Variants in CDH2 observed in about 807,000 individuals in gnomAD.
CDH2 encodes cadherin-2.
A neutral mutation model predicts 92.0 loss-of-function variants in CDH2; 17 were observed. The ratio of observed to expected loss-of-function variants is 0.18; its 90% CI spans 0.13 to 0.28. The LOEUF (loss-of-function observed/expected upper bound fraction) is 0.28, where lower values mean the gene tolerates loss of function less well. Ranked by LOEUF, CDH2 falls within the 10% of genes least tolerant of loss-of-function variation. The probability of loss-of-function intolerance (pLI) is 1.00; values close to 1 mark genes in which losing one functional copy is unlikely to be tolerated. For synonymous variants in CDH2, 419 were observed against 415.9 expected (o/e 1.01, Z -0.09); for missense variants, 862 against 1,133.1 (o/e 0.76, Z 3.44).
At chr18:28,086,305 T>G (rs1201638951) in intron 2 of CDH2, among the ~76,000 whole-genome samples, 1 of 152,148 alleles carries the variant, frequency 6.6e-6, no homozygotes, top group Admixed American at 6.6e-5. Context: ...TAGAACTCTA[T>G]AGTTATTCAG....
chr18:28,022,863 CTGTG>C lies in CDH2; in HGVS notation c.173-8958_173-8955del, dbSNP rs2144061485. Among the ~76,000 whole-genome samples the C allele has an allele frequency of 1.3e-5, 2 of 152,076 alleles. 1 individual carries two copies. The highest frequency in any genetic ancestry group is 4.8e-5 in the African/African-American group (2 of 41,516). On this transcript the variant is annotated intron_variant, in intron 2 of 15. Coordinates refer to ENST00000269141, the MANE Select transcript of CDH2 (RefSeq NM_001792.5). ...AACTTTTGCTTTATATCTATAAACT[CTGTG>C]TGTGTAATATTTTTATATGGCCTTT...
At chr18:28,140,775 T>C (rs1314687580) in intron 2 of CDH2, among the ~76,000 whole-genome samples, 1 of 151,286 alleles carries the variant, frequency 6.6e-6, no homozygotes, top group Non-Finnish European at 1.5e-5. Context: ...GTAAATCATA[T>C]ATCTGACAAC....
chr18:27,957,132 T>A (rs1172992910), intron 15 of CDH2, among the ~76,000 whole-genome samples: 1 of 8,708 alleles, frequency 1.1e-4, no homozygotes, highest in African/African-American at 1.5e-4. Context: ...TATCCATCCA[T>A]CCCATCCATC....
Position 27,963,394 on chromosome 18 carries a change from GC to G in CDH2, c.2476del (p.Ala826ProfsTer31). ...GTCCCCAATGTCTCCAGGGTGTGGG[GC>G]TGCAGATCGGACCGGATACTGGGGC... ...AEPQYPVRSA[A>X]PHPGDIGDFI... On this transcript the variant is annotated frameshift_variant, in exon 15 of 16. Transcript: ENST00000269141. LOFTEE classifies it high-confidence loss of function. The G allele has an allele frequency of 6.2e-7, 1 of 1,614,070 alleles. No homozygotes were observed. Among genetic ancestry groups the G allele is most frequent in the Non-Finnish European group, 8.5e-7 (1 of 1,180,002 alleles).
At chr18:27,982,029 C>T (rs1001268803) in intron 14 of CDH2, among the ~76,000 whole-genome samples, 1 of 152,200 alleles carries the variant, frequency 6.6e-6, no homozygotes, top group Non-Finnish European at 1.5e-5. Context: ...TGAATGCAAA[C>T]TCTGCATCTA....
intron 7 of CDH2, among the ~76,000 whole-genome samples, chr18:27,996,623 G>C (rs1000783144): frequency 2.0e-5 from 3 of 152,150 alleles, no homozygotes; most frequent in Admixed American, 6.5e-5. Context: ...TCGTATGTCT[G>C]TATCTGCCTC....
chr18:28,085,047 C>G (rs1318036697), intron 2 of CDH2, among the ~76,000 whole-genome samples: 6 of 152,132 alleles, frequency 3.9e-5, no homozygotes, highest in Non-Finnish European at 7.4e-5. Context: ...TATAGACAGC[C>G]ACACCCATCC....
intron 15 of CDH2, among the ~76,000 whole-genome samples, chr18:27,957,649 C>T (rs2011285882): frequency 6.6e-6 from 1 of 152,142 alleles, no homozygotes; most frequent in Admixed American, 6.5e-5. Flanking sequence ...CAACACACTG[C>T]CTGACATTCA....
chr18:28,006,612 G>A (rs539360069), intron 5 of CDH2, among the ~76,000 whole-genome samples: 50 of 150,962 alleles, frequency 3.3e-4, no homozygotes, highest in African/African-American at 1.2e-3. Context: ...TGTAAGCCCA[G>A]CTACTTGGGA....
chr18:27,961,074 ACAAACACACACT>A (rs1419129463), intron 15 of CDH2, among the ~76,000 whole-genome samples: 1 of 151,680 alleles, frequency 6.6e-6, no homozygotes, highest in Non-Finnish European at 1.5e-5. Flanking sequence ...ACACACACAA[ACAAACACACACT>A]CAAACATAAA....
chr18:28,063,099 T>C (rs2014436409), intron 2 of CDH2, among the ~76,000 whole-genome samples: 1 of 152,238 alleles, frequency 6.6e-6, no homozygotes, highest in Admixed American at 6.6e-5. Context: ...GCACTGTATG[T>C]CCTCATAAGT....
At chr18:28,098,280 A>C (rs1180716763) in intron 2 of CDH2, among the ~76,000 whole-genome samples, 2 of 152,200 alleles carry the variant, frequency 1.3e-5, no homozygotes, top group South Asian at 2.1e-4. Context: ...ATTAAAGAGG[A>C]AACTCAATTT....
chr18:28,021,284 T>A (rs2013403566), intron 2 of CDH2, among the ~76,000 whole-genome samples: 3 of 152,006 alleles, frequency 2.0e-5, no homozygotes, highest in African/African-American at 7.2e-5. Context: ...CATCTTTTCC[T>A]GAGAGAACAA....
intron 14 of CDH2, among the ~76,000 whole-genome samples, chr18:27,970,807 C>T (rs975622110): frequency 2.0e-5 from 3 of 152,150 alleles, no homozygotes; most frequent in Admixed American, 6.5e-5. Flanking sequence ...GTCCATGTCA[C>T]GATGTTTCAA....
chr18:27,967,384 G>T (rs542590986), intron 14 of CDH2, among the ~76,000 whole-genome samples: 1 of 152,128 alleles, frequency 6.6e-6, no homozygotes, highest in Non-Finnish European at 1.5e-5. Flanking sequence ...ATCCCATAAT[G>T]ATGTACATAA....
rs1046995481 is a variant in CDH2 at position 28,002,943 on chromosome 18, T to C, written c.1020+54A>G. 7.6e-6 allele frequency: 11 copies of C among 1,443,794 alleles called. No homozygotes were observed. The African/African-American group carries it at 9.8e-5, about 13-fold the overall frequency. The allele number at this position is 1,443,794 out of a possible 1,614,324, so 89.4% of individuals were successfully genotyped here. A position where few individuals can be genotyped will look rare whatever the true frequency, so the allele number is the denominator to read the frequency against. On this transcript the variant is annotated intron_variant, in intron 7 of 15. Coordinates refer to ENST00000269141, the MANE Select transcript of CDH2 (RefSeq NM_001792.5). ...GAGATAAAATGTATGTGATATGATA[T>C]TGTGCACCTTTAAGATTAAAAACAA... is the stretch of plus-strand genomic sequence containing the variant.
intron 2 of CDH2, among the ~76,000 whole-genome samples, chr18:28,043,489 T>A (rs868772028): frequency 2.7e-3 from 206 of 74,994 alleles, no homozygotes; most frequent in African/African-American, 0.011. Context: ...TATATATATA[T>A]ATATAAATAT....
chr18:28,057,911 G>GA (rs529311410), intron 2 of CDH2, among the ~76,000 whole-genome samples: 119 of 152,212 alleles, frequency 7.8e-4, no homozygotes, highest in Non-Finnish European at 1.4e-3. Context: ...TCATGGAGTA[G>GA]AAAAAATAAT....
intron 2 of CDH2, among the ~76,000 whole-genome samples, chr18:28,030,535 C>T (rs1013359250): frequency 6.6e-6 from 1 of 151,894 alleles, no homozygotes. Context: ...TGGCCAGGAT[C>T]AAAAACAAGA....
Sources: allele counts gnomAD v4.1 joint callset (sites outside exome capture counted in the v4.1 genomes callset), GRCh38; gene constraint gnomAD v4.1.1; transcripts MANE v1.5; gene names NCBI Gene and HGNC (gene_info 2026-07-23, HGNC 2026-07-21).